Variants in TSHZ2 observed in about 807,000 individuals in gnomAD.
The protein encoded by TSHZ2 is teashirt homolog 2.
TSHZ2 carries 21 observed loss-of-function variants against 74.4 expected under a neutral mutation model. The observed-to-expected ratio is 0.28, with a 90% CI of 0.20 to 0.41. TSHZ2 has a LOEUF of 0.41. TSHZ2 is among the 10% of genes least tolerant of loss of function. The pLI is 1.00. For synonymous variants in TSHZ2, 540 were observed against 515.3 expected (o/e 1.05, Z -0.65); for missense variants, 1,244 against 1,293.5 (o/e 0.96, Z 0.59).
Position 53,255,001 on chromosome 20 carries a change from G to A in TSHZ2, c.1543G>A (p.Asp515Asn). The change falls in exon 2 of 3, where the codon GAC becomes AAC. Residue 515 changes from aspartate (D) to asparagine (N), a missense_variant. Transcript: ENST00000371497. The surrounding 1 kb of genome is among the most constrained non-coding windows in gnomAD (Gnocchi z 4.1). ...GGAAGATGGCTCAAAGGGTGGAGGG[G>A]ACATTTTGAAATCTTTGGAAAATAC... ...DLEDGSKGGG[D>N]ILKSLENTVT... The A allele has an allele frequency of 6.2e-7, 1 of 1,614,178 alleles. No individual in the cohort carries two copies. The highest frequency in any genetic ancestry group is 8.5e-7 in the Non-Finnish European group (1 of 1,180,038).
intron 1 of TSHZ2, among the ~76,000 whole-genome samples, chr20:53,160,376 G>T (rs2040784018): frequency 6.6e-6 from 1 of 152,148 alleles, no homozygotes; most frequent in South Asian, 2.1e-4. Flanking sequence ...GTCGTGCAAA[G>T]TATCTCTTCT....
intron 1 of TSHZ2, among the ~76,000 whole-genome samples, chr20:53,212,064 T>C (rs1442392983): frequency 6.6e-6 from 1 of 152,170 alleles, no homozygotes; most frequent in Non-Finnish European, 1.5e-5. Context: ...AGCTCAAAAT[T>C]GTTCCTAACT....
intron 1 of TSHZ2, among the ~76,000 whole-genome samples, chr20:53,227,874 C>A (rs911035510): frequency 1.3e-5 from 2 of 151,948 alleles, no homozygotes; most frequent in African/African-American, 4.8e-5. Flanking sequence ...TTCTTTCTTT[C>A]GTTCTTCCTT....
At chr20:53,322,365 T>A (rs1979304461) in intron 2 of TSHZ2, among the ~76,000 whole-genome samples, 1 of 152,016 alleles carries the variant, frequency 6.6e-6, no homozygotes, top group Admixed American at 6.6e-5. Flanking sequence ...ATAGAAAAAT[T>A]AGCTAGGCGT....
chr20:53,472,694 C>T (rs958183212), intron 2 of TSHZ2, among the ~76,000 whole-genome samples: 1 of 151,902 alleles, frequency 6.6e-6, no homozygotes, highest in Non-Finnish European at 1.5e-5. Context: ...TCTACAGCTC[C>T]CAGCCTGAGC....
chr20:53,333,818 C>T (rs1979831150), intron 2 of TSHZ2, among the ~76,000 whole-genome samples: 1 of 152,214 alleles, frequency 6.6e-6, no homozygotes, highest in African/African-American at 2.4e-5. Context: ...TCCTAGGATG[C>T]AGCGACTGCA....
At chr20:53,178,769 T>A (rs2801012) in intron 1 of TSHZ2, 1 of 152,150 alleles carries the variant, frequency 6.6e-6, no homozygotes, top group Non-Finnish European at 1.5e-5. Flanking sequence ...TTTGTAATAT[T>A]TTTGATACTT....
At chr20:53,344,190 A>C (rs1471702677) in intron 2 of TSHZ2, among the ~76,000 whole-genome samples, 7 of 114,364 alleles carry the variant, frequency 6.1e-5, no homozygotes, top group African/African-American at 2.6e-4. Context: ...AAAAATTCTT[A>C]CTACCATCAC....
chr20:53,407,506 C>T (rs117687106), intron 2 of TSHZ2, among the ~76,000 whole-genome samples: 1 of 152,298 alleles, frequency 6.6e-6, no homozygotes, highest in East Asian at 1.9e-4. Context: ...TTATTGAGCC[C>T]AGAGATTCAT....
At chr20:53,064,041 G>T (rs1397981753) in intron 1 of TSHZ2, among the ~76,000 whole-genome samples, 1 of 151,994 alleles carries the variant, frequency 6.6e-6, no homozygotes, top group Admixed American at 6.6e-5. Context: ...TTTAACAGCT[G>T]GCAAGATTGA....
chr20:53,291,713 C>G (rs1289283465), intron 2 of TSHZ2, among the ~76,000 whole-genome samples: 2 of 152,020 alleles, frequency 1.3e-5, no homozygotes, highest in Non-Finnish European at 2.9e-5. Context: ...TTTGACTTTC[C>G]TATTAGGAGT....
intron 2 of TSHZ2, among the ~76,000 whole-genome samples, chr20:53,397,170 T>C (rs1378668147): frequency 1.3e-5 from 2 of 152,162 alleles, no homozygotes; most frequent in East Asian, 1.9e-4. Flanking sequence ...AAAGAAACTA[T>C]CATCAGAGTG....
At chr20:53,235,608 A>G (rs1194233951) in intron 1 of TSHZ2, among the ~76,000 whole-genome samples, 2 of 152,202 alleles carry the variant, frequency 1.3e-5, no homozygotes, top group Non-Finnish European at 2.9e-5. Context: ...TGTATATTGC[A>G]TACTGTACCA....
chr20:53,229,783 G>T (rs73148661), intron 1 of TSHZ2, among the ~76,000 whole-genome samples: 404 of 150,864 alleles, frequency 2.7e-3, no homozygotes, highest in Non-Finnish European at 4.8e-3. Flanking sequence ...GGGAGAGAGG[G>T]AGGAGGGAGG....
At chr20:53,220,254 T>C (rs12625311) in intron 1 of TSHZ2, among the ~76,000 whole-genome samples, 10,956 of 152,236 alleles carry the variant, frequency 0.072, 801 homozygotes, top group East Asian at 0.31. Context: ...AAAAAGCTAC[T>C]AAGAGTCAGT....
intron 1 of TSHZ2, among the ~76,000 whole-genome samples, chr20:52,994,435 TGAGTGAATGAATGGAC>T (rs1229973709): frequency 2.1e-5 from 3 of 146,010 alleles, no homozygotes; most frequent in South Asian, 2.1e-4. Flanking sequence ...GATGGATGGA[TGAGTGAATGAATGGAC>T]GGATGGATGG....
At chr20:53,169,295 G>C (rs901338318) in intron 1 of TSHZ2, among the ~76,000 whole-genome samples, 1 of 152,096 alleles carries the variant, frequency 6.6e-6, no homozygotes, top group Non-Finnish European at 1.5e-5. Context: ...CTCCAATCTG[G>C]TAAACTCTCC....
At chr20:53,351,118 T>C (rs73913707) in intron 2 of TSHZ2, among the ~76,000 whole-genome samples, 6,503 of 152,312 alleles carry the variant, frequency 0.043, 443 homozygotes, top group African/African-American at 0.15. Context: ...GATATTTGCA[T>C]TTGATCACCA....
At chr20:53,312,719 A>C (rs1253259948) in intron 2 of TSHZ2, among the ~76,000 whole-genome samples, 4 of 152,174 alleles carry the variant, frequency 2.6e-5, no homozygotes, top group Non-Finnish European at 5.9e-5. Flanking sequence ...GTCTGTTTAT[A>C]TTGTCCCCAA....
Sources: allele counts gnomAD v4.1 joint callset (sites outside exome capture counted in the v4.1 genomes callset), GRCh38; gene constraint gnomAD v4.1.1; non-coding constraint Gnocchi (gnomAD v3.1); transcripts MANE v1.5; gene names NCBI Gene and HGNC (gene_info 2026-07-23, HGNC 2026-07-21).